Variants in CREB5 observed in about 807,000 individuals in gnomAD.
The protein encoded by CREB5 is cyclic AMP-responsive element-binding protein 5.
In CREB5, 19 loss-of-function variants were observed where a neutral mutation model predicts 57.1. That is an observed-to-expected ratio of 0.33 (90% CI 0.23 to 0.49). The LOEUF (loss-of-function observed/expected upper bound fraction) is 0.49. Among genes scored for constraint, CREB5 ranks in the 20% least tolerant of loss-of-function variants. The probability of loss-of-function intolerance (pLI) is 0.99; values close to 1 mark genes in which losing one functional copy is unlikely to be tolerated. For missense variants in CREB5, 579 were observed against 671.6 expected, an observed-to-expected ratio of 0.86 and a Z score of 1.52; for synonymous variants, 238 against 238.3, an observed-to-expected ratio of 1.00 and a Z score of 0.01.
intron 4 of CREB5, among the ~76,000 whole-genome samples, chr7:28,511,734 C>T (rs1330130759): frequency 6.6e-6 from 1 of 152,230 alleles, no homozygotes; most frequent in Admixed American, 6.5e-5. Context: ...GATCTGCCCG[C>T]CTCAGCCTCC....
intron 1 of CREB5, among the ~76,000 whole-genome samples, chr7:28,302,136 TAAC>T (rs1300407068): frequency 6.6e-6 from 1 of 152,204 alleles, no homozygotes; most frequent in African/African-American, 2.4e-5. Context: ...AAGCTAAAAA[TAAC>T]AAAATGTGAA....
chr7:28,677,283 T>TG (rs1475351876), intron 5 of CREB5, among the ~76,000 whole-genome samples: 1 of 152,106 alleles, frequency 6.6e-6, no homozygotes, highest in African/African-American at 2.4e-5. Flanking sequence ...TCAAAATCTC[T>TG]GGGGAGTTTT....
chr7:28,620,750 A>AAT (rs1797762670), intron 5 of CREB5, among the ~76,000 whole-genome samples: 1 of 152,180 alleles, frequency 6.6e-6, no homozygotes, highest in Admixed American at 6.5e-5. Flanking sequence ...TAATAAGCCT[A>AAT]TCTAGTCAAC....
At chr7:28,476,731 G>A (rs1562743462) in intron 1 of CREB5, among the ~76,000 whole-genome samples, 2 of 152,098 alleles carry the variant, frequency 1.3e-5, no homozygotes, top group Admixed American at 6.5e-5. Context: ...TCCCACTTCC[G>A]AAAGAATTAA....
chr7:28,663,321 C>T (rs565380490), intron 5 of CREB5, among the ~76,000 whole-genome samples: 1 of 152,090 alleles, frequency 6.6e-6, no homozygotes, highest in East Asian at 2.0e-4. Context: ...TCTCCCATCT[C>T]AGCCTCCCAA....
chr7:28,398,169 T>C (rs1787376742), intron 1 of CREB5, among the ~76,000 whole-genome samples: 1 of 152,164 alleles, frequency 6.6e-6, no homozygotes, highest in South Asian at 2.1e-4. Flanking sequence ...CAGGTTTAAG[T>C]ACCAGGCTCT....
intron 4 of CREB5, among the ~76,000 whole-genome samples, chr7:28,563,782 G>A (rs1795370425): frequency 6.7e-6 from 1 of 149,190 alleles, no homozygotes; most frequent in Non-Finnish European, 1.5e-5. Context: ...TTCTGAAGAG[G>A]TGACTTGAGA....
At chr7:28,496,659 C>T (rs762500111) in intron 3 of CREB5, among the ~76,000 whole-genome samples, 4 of 152,180 alleles carry the variant, frequency 2.6e-5, no homozygotes, top group Non-Finnish European at 4.4e-5. Context: ...CCAATACTCC[C>T]GGTGTCGGAG....
intron 1 of CREB5, among the ~76,000 whole-genome samples, chr7:28,482,971 T>G (rs1455408835): frequency 6.6e-6 from 1 of 152,228 alleles, no homozygotes; most frequent in East Asian, 1.9e-4. Flanking sequence ...ACTTGTGCCA[T>G]CCCACTAAGA....
chr7:28,394,719 T>C (rs1787302776), intron 1 of CREB5, among the ~76,000 whole-genome samples: 1 of 152,192 alleles, frequency 6.6e-6, no homozygotes, highest in Non-Finnish European at 1.5e-5. Flanking sequence ...CACTGTAATT[T>C]AGTGATATGC....
At chr7:28,752,505 T>C (rs539038122) in intron 7 of CREB5, among the ~76,000 whole-genome samples, 1 of 152,354 alleles carries the variant, frequency 6.6e-6, no homozygotes, top group Non-Finnish European at 1.5e-5. Flanking sequence ...AAGAATATTT[T>C]GAGACAAGCG....
chr7:28,500,761 C>T (rs1045986214), intron 3 of CREB5, among the ~76,000 whole-genome samples: 4 of 152,122 alleles, frequency 2.6e-5, no homozygotes, highest in African/African-American at 4.8e-5. Flanking sequence ...GGGAAGATGG[C>T]GTATCTCACT....
chr7:28,754,778 T>A (rs969383741), intron 7 of CREB5, among the ~76,000 whole-genome samples: 2 of 152,194 alleles, frequency 1.3e-5, no homozygotes, highest in Admixed American at 6.5e-5. Flanking sequence ...TGCTTTACAA[T>A]AGAGAGGGAT....
chr7:28,513,316 C>G (rs184729701), intron 4 of CREB5: 2 of 152,354 alleles, frequency 1.3e-5, no homozygotes, highest in African/African-American at 4.8e-5. Flanking sequence ...TTGTGTAAAA[C>G]AATCCTTCCC....
At chr7:28,314,214 T>C (rs541948277) in intron 1 of CREB5, among the ~76,000 whole-genome samples, 52 of 152,242 alleles carry the variant, frequency 3.4e-4, no homozygotes, top group African/African-American at 1.2e-3. Flanking sequence ...GCAGGTTTGG[T>C]GAAAAAGCTT....
At chr7:28,414,692 C>T (rs748161698) in intron 1 of CREB5, among the ~76,000 whole-genome samples, 1 of 152,008 alleles carries the variant, frequency 6.6e-6, no homozygotes, top group Admixed American at 6.6e-5. Flanking sequence ...TATTACATTT[C>T]GTAATTAGGA....
intron 7 of CREB5, among the ~76,000 whole-genome samples, chr7:28,744,636 C>T (rs2128759590): frequency 6.6e-6 from 1 of 152,256 alleles, no homozygotes; most frequent in South Asian, 2.1e-4. Flanking sequence ...GCATGAGCCA[C>T]CATGCCCGGC....
chr7:28,446,975 C>A (rs1277790845), intron 1 of CREB5, among the ~76,000 whole-genome samples: 3 of 152,134 alleles, frequency 2.0e-5, no homozygotes, highest in Non-Finnish European at 4.4e-5. Context: ...CCATCTGTGA[C>A]AGGTAGTAGA....
intron 10 of CREB5, 192 bp from the exon 11 acceptor site, chr7:28,818,924 C>A: frequency 1.6e-6 from 1 of 634,008 alleles, no homozygotes; most frequent in Non-Finnish European, 2.7e-6. Flanking sequence ...TAGATATAAA[C>A]TGGAAAGGCA....
Sources: gnomAD v4.1 joint callset for allele counts (sites outside exome capture counted in the v4.1 genomes callset) on GRCh38, gnomAD v4.1.1 for gene constraint, MANE v1.5 for transcripts, NCBI Gene and HGNC (gene_info 2026-07-23, HGNC 2026-07-21) for gene names.